SUGCT: variants seen among roughly 807,000 people sequenced by gnomAD.
The protein encoded by SUGCT is succinyl-CoA:glutarate CoA-transferase.
In SUGCT, 41 loss-of-function variants were observed where a neutral mutation model predicts 55.0. The ratio of observed to expected loss-of-function variants is 0.74; its 90% CI spans 0.58 to 0.97. SUGCT has a LOEUF of 0.97. Among genes scored for constraint, SUGCT ranks in the 50% least tolerant of loss-of-function variants. The pLI is 0.00. For synonymous variants in SUGCT, 187 were observed against 200.4 expected, an observed-to-expected ratio of 0.93 and a Z score of 0.56; for missense variants, 568 against 547.8, an observed-to-expected ratio of 1.04 and a Z score of -0.37.
At chr7:40,787,660 C>CAAAAAAAAAAAAAAAA (rs55764379) in intron 13 of SUGCT, among the ~76,000 whole-genome samples, 3 of 48,422 alleles carry the variant, frequency 6.2e-5, no homozygotes, top group African/African-American at 5.9e-5. Flanking sequence ...AAATTTTGAC[C>CAAAAAAAAAAAAAAAA]AAAAAAAAAA....
the SUGCT span, among the ~76,000 whole-genome samples, chr7:40,907,351 C>T: frequency 6.6e-5 from 10 of 152,234 alleles, no homozygotes; most frequent in African/African-American, 2.4e-4. Context: ...GGTGTGTAAT[C>T]TAGTTTTTAC....
chr7:40,487,236 C>T (rs911225080), intron 11 of SUGCT, among the ~76,000 whole-genome samples: 6 of 147,786 alleles, frequency 4.1e-5, no homozygotes, highest in African/African-American at 1.5e-4. Flanking sequence ...AGGCATGTGC[C>T]ACCACACCCA....
intron 7 of SUGCT, among the ~76,000 whole-genome samples, chr7:40,264,248 G>A (rs1241772907): frequency 6.6e-6 from 1 of 152,120 alleles, no homozygotes; most frequent in Non-Finnish European, 1.5e-5. Flanking sequence ...TAGACTGGAG[G>A]ACTCCATAGT....
At chr7:40,505,116 T>A (rs753149017) in intron 12 of SUGCT, among the ~76,000 whole-genome samples, 7 of 152,166 alleles carry the variant, frequency 4.6e-5, no homozygotes, top group African/African-American at 7.2e-5. Context: ...AGTATGAAGG[T>A]ATCTCTAATT....
At chr7:40,289,357 T>C (rs1793577231) in intron 8 of SUGCT, among the ~76,000 whole-genome samples, 2 of 152,206 alleles carry the variant, frequency 1.3e-5, no homozygotes, top group Non-Finnish European at 2.9e-5. Context: ...ATAAATACTG[T>C]GTTTTTTTCC....
intron 7 of SUGCT, among the ~76,000 whole-genome samples, chr7:40,250,235 A>T (rs1790274493): frequency 6.6e-6 from 1 of 151,822 alleles, no homozygotes; most frequent in Non-Finnish European, 1.5e-5. Context: ...CCATGACTAC[A>T]AAAAATACAA....
chr7:40,280,508 G>GT (rs1792882570), intron 8 of SUGCT, among the ~76,000 whole-genome samples: 1 of 152,024 alleles, frequency 6.6e-6, no homozygotes, highest in South Asian at 2.1e-4. Flanking sequence ...CAATGAGTTA[G>GT]TTTTTTTAGC....
intron 13 of SUGCT, among the ~76,000 whole-genome samples, chr7:40,763,965 C>T (rs1454255496): frequency 6.6e-6 from 1 of 152,010 alleles, no homozygotes; most frequent in Non-Finnish European, 1.5e-5. Flanking sequence ...ATGCCAAAGC[C>T]ACCAGCTGTT....
intron 1 of SUGCT, among the ~76,000 whole-genome samples, chr7:40,168,799 C>A (rs184278716): frequency 1.3e-3 from 198 of 152,258 alleles, no homozygotes; most frequent in African/African-American, 4.5e-3. Flanking sequence ...CATTCTATTT[C>A]TTCTGCCGAG....
chr7:40,273,952 C>T (rs1036092183), intron 7 of SUGCT, among the ~76,000 whole-genome samples: 1 of 151,974 alleles, frequency 6.6e-6, no homozygotes, highest in Non-Finnish European at 1.5e-5. Context: ...AATTCAGGGG[C>T]AGTCTGCTAA....
At chr7:41,037,934 T>A in the SUGCT span, among the ~76,000 whole-genome samples, 10 of 152,176 alleles carry the variant, frequency 6.6e-5, no homozygotes, top group Admixed American at 1.3e-4. Context: ...TTAATCCATA[T>A]AAAAGTGCAG....
intron 12 of SUGCT, 119 bp downstream of exon 12, chr7:40,496,505 A>C (rs1562817990): frequency 1.6e-5 from 12 of 733,388 alleles, no homozygotes; most frequent in Non-Finnish European, 2.8e-5. Flanking sequence ...CATCATATTA[A>C]AATTGTTTGT....
At chr7:40,999,119 C>T in the SUGCT span, among the ~76,000 whole-genome samples, 1 of 152,232 alleles carries the variant, frequency 6.6e-6, no homozygotes, top group African/African-American at 2.4e-5. Context: ...TTATGTCTTA[C>T]TTAGGAAAGC....
chr7:40,756,738 A>G (rs546083742), intron 13 of SUGCT, among the ~76,000 whole-genome samples: 31 of 152,200 alleles, frequency 2.0e-4, no homozygotes, highest in African/African-American at 1.7e-4. Context: ...TGTAAAACCA[A>G]TGTGAAAATG....
chr7:40,513,351 A>G (rs1425143832), intron 12 of SUGCT, among the ~76,000 whole-genome samples: 4 of 152,156 alleles, frequency 2.6e-5, no homozygotes, highest in Non-Finnish European at 4.4e-5. Context: ...GAAATCAGCT[A>G]CTTTAGTATA....
chr7:40,170,413 C>T (rs1304199671), intron 1 of SUGCT, among the ~76,000 whole-genome samples: 1 of 152,160 alleles, frequency 6.6e-6, no homozygotes, highest in Non-Finnish European at 1.5e-5. Flanking sequence ...TGCTTCAAGT[C>T]TGACAGGGAG....
intron 11 of SUGCT, among the ~76,000 whole-genome samples, chr7:40,488,517 C>T (rs1311608616): frequency 6.6e-6 from 1 of 152,142 alleles, no homozygotes; most frequent in East Asian, 1.9e-4. Context: ...TACACACCAT[C>T]ATTACCATAT....
intron 13 of SUGCT, among the ~76,000 whole-genome samples, chr7:40,806,596 T>C (rs1791105202): frequency 6.6e-6 from 1 of 152,186 alleles, no homozygotes; most frequent in Admixed American, 6.5e-5. Flanking sequence ...TTTTATTTGT[T>C]TTGTTAGGAA....
At chr7:40,667,621 C>T (rs1801715609) in intron 12 of SUGCT, among the ~76,000 whole-genome samples, 1 of 146,066 alleles carries the variant, frequency 6.8e-6, no homozygotes. Flanking sequence ...AATTCAGTTT[C>T]AGAACTCGAT....
Sources: gnomAD v4.1 joint callset for allele counts (sites outside exome capture counted in the v4.1 genomes callset) on GRCh38, gnomAD v4.1.1 for gene constraint, MANE v1.5 for transcripts, NCBI Gene and HGNC (gene_info 2026-07-23, HGNC 2026-07-21) for gene names.